DNAJC1: variants seen among roughly 807,000 people sequenced by gnomAD.
DNAJC1 encodes DnaJ heat shock protein family (Hsp40) member C1, also known as dnaJ homolog subfamily C member 1.
A neutral mutation model predicts 76.6 loss-of-function variants in DNAJC1; 58 were observed. That is an observed-to-expected ratio of 0.76 (90% CI 0.61 to 0.94). DNAJC1 has a LOEUF of 0.94. Among genes scored for constraint, DNAJC1 ranks in the 40% least tolerant of loss-of-function variants. The pLI, the probability that DNAJC1 is intolerant of heterozygous loss-of-function variation, is 0.00. For missense variants in DNAJC1, 689 were observed against 677.3 expected (o/e 1.02, Z -0.19); for synonymous variants, 258 against 267.9 (o/e 0.96, Z 0.36).
rs989399086 is a variant in DNAJC1 at position 21,764,233 on chromosome 10, C to T, written c.1147+2028G>A. ...AAGATGATACAGACATATGAGTGTACGGAGTGAAAAAATGTAAAACAGTAT... is the reference window on the plus strand; with the variant it reads ...AAGATGATACAGACATATGAGTGTATGGAGTGAAAAAATGTAAAACAGTAT... On this transcript the variant is annotated intron_variant, in intron 10 of 11. Coordinates refer to ENST00000376980, the MANE Select transcript of DNAJC1 (RefSeq NM_022365.4). Among the ~76,000 whole-genome samples, 16 of 152,174 alleles carry T rather than the reference C, an allele frequency of 1.1e-4. No homozygotes were observed. In the East Asian group the frequency reaches 2.3e-3, roughly 22 times the overall value.
chr10:21,919,181 T>C (rs1837000091), intron 5 of DNAJC1, among the ~76,000 whole-genome samples: 1 of 152,034 alleles, frequency 6.6e-6, no homozygotes, highest in African/African-American at 2.4e-5. Flanking sequence ...TTCATCACTT[T>C]TGTACAACGA....
At chr10:21,827,643 T>C (rs1265132220) in intron 8 of DNAJC1, among the ~76,000 whole-genome samples, 2 of 152,234 alleles carry the variant, frequency 1.3e-5, no homozygotes, top group African/African-American at 2.4e-5. Context: ...TCCTTGTGGA[T>C]GCTTCTGTGT....
At chr10:21,945,610 T>C (rs1469514169) in intron 1 of DNAJC1, among the ~76,000 whole-genome samples, 3 of 152,054 alleles carry the variant, frequency 2.0e-5, no homozygotes, top group Non-Finnish European at 2.9e-5. Context: ...AGTCTGTAGG[T>C]TGGTTGTAAG....
At chr10:21,810,812 G>A (rs1834951945) in intron 8 of DNAJC1, among the ~76,000 whole-genome samples, 1 of 152,136 alleles carries the variant, frequency 6.6e-6, no homozygotes, top group Admixed American at 6.6e-5. Context: ...CCTCAATGCT[G>A]TGGACTTCAC....
At chr10:21,871,821 G>C (rs964140444) in intron 8 of DNAJC1, among the ~76,000 whole-genome samples, 1 of 151,782 alleles carries the variant, frequency 6.6e-6, no homozygotes, top group African/African-American at 2.4e-5. Context: ...TTTTAGTAGA[G>C]AGAGGGTTTC....
intron 8 of DNAJC1, among the ~76,000 whole-genome samples, chr10:21,861,865 G>C (rs1835920085): frequency 6.6e-6 from 1 of 152,064 alleles, no homozygotes; most frequent in South Asian, 2.1e-4. Context: ...CCTTGGGGCT[G>C]CTCGATCTGG....
intron 7 of DNAJC1, among the ~76,000 whole-genome samples, chr10:21,899,612 A>G (rs922953368): frequency 3.9e-5 from 6 of 152,196 alleles, no homozygotes; most frequent in African/African-American, 1.2e-4. Flanking sequence ...CGGGACCCCA[A>G]TTCATTCTTC....
At chr10:21,849,696 A>G (rs924303811) in intron 8 of DNAJC1, among the ~76,000 whole-genome samples, 1 of 152,200 alleles carries the variant, frequency 6.6e-6, no homozygotes, top group African/African-American at 2.4e-5. Context: ...GTTTATAGAT[A>G]TTGATACAAA....
chr10:21,794,973 C>T (rs1055503260), intron 9 of DNAJC1, among the ~76,000 whole-genome samples: 8 of 151,958 alleles, frequency 5.3e-5, no homozygotes, highest in Admixed American at 4.6e-4. Flanking sequence ...AATCTGAAAT[C>T]TGAAATGTTC....
At chr10:21,788,422 C>T (rs1261901003) in intron 9 of DNAJC1, among the ~76,000 whole-genome samples, 1 of 152,186 alleles carries the variant, frequency 6.6e-6, no homozygotes, top group African/African-American at 2.4e-5. Flanking sequence ...CCCTTTGTCT[C>T]AGGGAAACAA....
chr10:21,987,907 T>C (rs1255598538), intron 1 of DNAJC1, among the ~76,000 whole-genome samples: 1 of 152,160 alleles, frequency 6.6e-6, no homozygotes, highest in Non-Finnish European at 1.5e-5. Context: ...CTTGTGCACA[T>C]ATAATCCTGC....
chr10:21,982,666 C>A (rs937118895), intron 1 of DNAJC1, among the ~76,000 whole-genome samples: 76 of 149,932 alleles, frequency 5.1e-4, no homozygotes, highest in Admixed American at 7.3e-4. Context: ...TAGGGAAATG[C>A]AAATCAAAAC....
intron 9 of DNAJC1, among the ~76,000 whole-genome samples, chr10:21,790,941 TTTAAAAATATGA>T (rs1285550502): frequency 6.6e-6 from 1 of 152,052 alleles, no homozygotes. Flanking sequence ...AAATAAAATT[TTTAAAAATATGA>T]GTCAACTATA....
chr10:21,868,419 G>A (rs986422164), intron 8 of DNAJC1, among the ~76,000 whole-genome samples: 16 of 151,688 alleles, frequency 1.1e-4, no homozygotes, highest in African/African-American at 2.9e-4. Flanking sequence ...CACCATGCCC[G>A]GCCAAAAATA....
intron 1 of DNAJC1, among the ~76,000 whole-genome samples, chr10:21,996,614 T>C (rs1333292171): frequency 6.6e-6 from 1 of 152,186 alleles, no homozygotes; most frequent in Non-Finnish European, 1.5e-5. Flanking sequence ...CTATTGTCTA[T>C]GAATAACAAA....
At chr10:21,886,462 C>T (rs1836367506) in intron 7 of DNAJC1, among the ~76,000 whole-genome samples, 1 of 152,128 alleles carries the variant, frequency 6.6e-6, no homozygotes, top group African/African-American at 2.4e-5. Flanking sequence ...GGAAGGACTC[C>T]TCCCAAACTC....
At chr10:21,756,990 C>A (rs1442896961) in intron 11 of DNAJC1, among the ~76,000 whole-genome samples, 1 of 152,202 alleles carries the variant, frequency 6.6e-6, no homozygotes. Context: ...GAGTGAGGGG[C>A]TGGGGCGGCC....
Position 21,921,781 on chromosome 10 carries a change from A to C in DNAJC1, c.372-818T>G, listed in dbSNP as rs117145677. 7.2e-5 allele frequency among the ~76,000 whole-genome samples: 11 copies of C among 152,174 alleles called. No individual in the cohort carries two copies. In the East Asian group the frequency reaches 2.1e-3, roughly 29 times the overall value. The stretch of plus-strand genomic sequence containing the variant: ...AGGATAAAAAAGTTACTTTAAAATA[A>C]ATTTTCAACTCAATTTAAATTTACT... On this transcript the variant is annotated intron_variant, in intron 3 of 11. Coordinates refer to ENST00000376980, the MANE Select transcript of DNAJC1 (RefSeq NM_022365.4).
intron 1 of DNAJC1, among the ~76,000 whole-genome samples, chr10:21,940,030 T>C (rs1183142655): frequency 6.7e-6 from 1 of 148,792 alleles, no homozygotes; most frequent in African/African-American, 2.5e-5. Context: ...GACTAAATAA[T>C]AGAGAGATTT....
Sources: gnomAD v4.1 joint callset for allele counts (sites outside exome capture counted in the v4.1 genomes callset) on GRCh38, gnomAD v4.1.1 for gene constraint, MANE v1.5 for transcripts, NCBI Gene and HGNC (gene_info 2026-07-23, HGNC 2026-07-21) for gene names.